The following CTNNA3 variants were observed in gnomAD, a reference collection of about 807,000 sequenced individuals.
CTNNA3 encodes catenin alpha 3.
A neutral mutation model predicts 95.7 loss-of-function variants in CTNNA3; 76 were observed. The observed-to-expected ratio is 0.79, with a 90% CI of 0.66 to 0.96. The LOEUF is 0.96. Ranked by LOEUF, CTNNA3 falls within the 40% of genes least tolerant of loss-of-function variation. The probability of loss-of-function intolerance (pLI) is 0.00; values close to 1 mark genes in which losing one functional copy is unlikely to be tolerated. For missense variants in CTNNA3, 1,191 were observed against 1,089.8 expected (o/e 1.09, Z -1.31); for synonymous variants, 431 against 374.4 (o/e 1.15, Z -1.74).
At chr10:67,184,667 A>G (rs926648455) in intron 6 of CTNNA3, among the ~76,000 whole-genome samples, 12 of 152,212 alleles carry the variant, frequency 7.9e-5, no homozygotes, top group African/African-American at 2.9e-4. Flanking sequence ...TTCATCTTTG[A>G]CATCATCTCA....
intron 2 of CTNNA3, among the ~76,000 whole-genome samples, chr10:67,642,480 G>C (rs536350906): frequency 6.6e-6 from 1 of 152,320 alleles, no homozygotes; most frequent in East Asian, 1.9e-4. Flanking sequence ...CACTTTGGGA[G>C]ACTGAGGCAG....
At chr10:67,390,283 G>A (rs1024234981) in intron 5 of CTNNA3, among the ~76,000 whole-genome samples, 30 of 152,210 alleles carry the variant, frequency 2.0e-4, no homozygotes, top group African/African-American at 6.7e-4. Context: ...ACACCTCTAT[G>A]CAAATAAACT....
chr10:67,724,999 T>C (rs946157042), intron 1 of CTNNA3, among the ~76,000 whole-genome samples: 1 of 152,048 alleles, frequency 6.6e-6, no homozygotes, highest in African/African-American at 2.4e-5. Context: ...AAAAATATTC[T>C]TGTTAAAATT....
At chr10:66,705,076 G>A (rs1181647163) in intron 9 of CTNNA3, among the ~76,000 whole-genome samples, 1 of 151,962 alleles carries the variant, frequency 6.6e-6, no homozygotes, top group Non-Finnish European at 1.5e-5. Flanking sequence ...TCCATTCCCA[G>A]TTTTTACTTT....
chr10:67,147,586 G>A (rs1860904965), intron 7 of CTNNA3, among the ~76,000 whole-genome samples: 1 of 152,126 alleles, frequency 6.6e-6, no homozygotes, highest in East Asian at 1.9e-4. Context: ...AGATAAATGA[G>A]AAAAGCAAGA....
intron 17 of CTNNA3, among the ~76,000 whole-genome samples, chr10:65,959,953 T>C (rs552608637): frequency 1.2e-4 from 19 of 152,346 alleles, no homozygotes; most frequent in African/African-American, 4.6e-4. Flanking sequence ...GTCTATCATA[T>C]GCTATCTCTG....
At chr10:67,461,269 A>C (rs2132994066) in intron 5 of CTNNA3, among the ~76,000 whole-genome samples, 1 of 152,270 alleles carries the variant, frequency 6.6e-6, no homozygotes, top group East Asian at 1.9e-4. Context: ...GTGAGTCTTC[A>C]GAGTAGAACA....
intron 1 of CTNNA3, among the ~76,000 whole-genome samples, chr10:67,691,357 T>G (rs1339878226): frequency 6.6e-6 from 1 of 151,228 alleles, no homozygotes. Flanking sequence ...CCGCCCATCA[T>G]CTGGGATGTG....
At chr10:65,987,432 C>G (rs1371729048) in intron 16 of CTNNA3, among the ~76,000 whole-genome samples, 3 of 151,660 alleles carry the variant, frequency 2.0e-5, no homozygotes, top group African/African-American at 7.3e-5. Context: ...AAAAATGTTC[C>G]ACATCATTAA....
At chr10:66,320,647 C>T (rs1210549577) in intron 12 of CTNNA3, among the ~76,000 whole-genome samples, 1 of 152,074 alleles carries the variant, frequency 6.6e-6, no homozygotes, top group Non-Finnish European at 1.5e-5. Context: ...CAGCCTGAGA[C>T]ATTCTGTTCC....
intron 9 of CTNNA3, among the ~76,000 whole-genome samples, chr10:66,649,551 A>G (rs1273709713): frequency 6.6e-6 from 1 of 152,154 alleles, no homozygotes; most frequent in Non-Finnish European, 1.5e-5. Context: ...GGAACCCAAC[A>G]CTGGGCCTGC....
At chr10:67,315,972 T>C (rs995192193) in intron 5 of CTNNA3, among the ~76,000 whole-genome samples, 8 of 152,108 alleles carry the variant, frequency 5.3e-5, no homozygotes, top group Non-Finnish European at 8.8e-5. Flanking sequence ...TCCTAATAAA[T>C]AGTCGTACTT....
chr10:67,749,832 C>A (rs545751175), intron 1 of CTNNA3, among the ~76,000 whole-genome samples: 12 of 152,130 alleles, frequency 7.9e-5, no homozygotes, highest in African/African-American at 2.9e-4. Context: ...CTGAAGGAGA[C>A]AGAGACATGA....
At chr10:67,456,431 T>C (rs904882790) in intron 5 of CTNNA3, among the ~76,000 whole-genome samples, 1 of 152,190 alleles carries the variant, frequency 6.6e-6, no homozygotes, top group African/African-American at 2.4e-5. Flanking sequence ...ATCATAACTC[T>C]GGATGTCTTG....
At chr10:67,726,589 A>ATTAT (rs1564841320) in intron 1 of CTNNA3, among the ~76,000 whole-genome samples, 1 of 67,024 alleles carries the variant, frequency 1.5e-5, no homozygotes, top group African/African-American at 8.0e-5. Flanking sequence ...TATAATATGT[A>ATTAT]ATATTATATT....
chr10:67,431,617 A>G (rs1162694230), intron 5 of CTNNA3, among the ~76,000 whole-genome samples: 2 of 152,088 alleles, frequency 1.3e-5, no homozygotes, highest in East Asian at 3.9e-4. Flanking sequence ...TGAAGGGTAC[A>G]CTGAGAATAT....
intron 13 of CTNNA3, among the ~76,000 whole-genome samples, chr10:66,117,480 G>T (rs1252538620): frequency 2.0e-5 from 3 of 152,082 alleles, no homozygotes; most frequent in African/African-American, 7.2e-5. Context: ...AAATGAACTT[G>T]ATTTTGCAGC....
chr10:67,196,082 A>G (rs891574491), intron 6 of CTNNA3, among the ~76,000 whole-genome samples: 7 of 152,236 alleles, frequency 4.6e-5, no homozygotes, highest in South Asian at 2.1e-4. Flanking sequence ...TATATTATCA[A>G]TCTTCAGAAT....
intron 1 of CTNNA3, among the ~76,000 whole-genome samples, chr10:67,722,102 T>C (rs1841182692): frequency 6.6e-6 from 1 of 152,204 alleles, no homozygotes. Flanking sequence ...TTAAAACTTT[T>C]AACAATCTCA....
Sources: gnomAD v4.1 joint callset for allele counts (sites outside exome capture counted in the v4.1 genomes callset) on GRCh38, gnomAD v4.1.1 for gene constraint, MANE v1.5 for transcripts, NCBI Gene and HGNC (gene_info 2026-07-23, HGNC 2026-07-21) for gene names.